Variants in PHACTR4 observed in about 807,000 individuals in gnomAD.
The protein encoded by PHACTR4 is phosphatase and actin regulator 4, also known as protein phosphatase 1, regulatory subunit 124.
PHACTR4 carries 51 observed loss-of-function variants against 72.7 expected under a neutral mutation model. The ratio of observed to expected loss-of-function variants is 0.70; its 90% confidence interval spans 0.56 to 0.89. PHACTR4 has a LOEUF of 0.89. Ranked by LOEUF, PHACTR4 falls within the 40% of genes least tolerant of loss-of-function variation. PHACTR4 has a pLI of 0.00. For synonymous variants in PHACTR4, 255 were observed against 302.5 expected (o/e 0.84, Z 1.63); for missense variants, 731 against 861.8 (o/e 0.85, Z 1.90).
At chr1:28,474,667 C>G (rs1015458065) in intron 7 of PHACTR4, among the ~76,000 whole-genome samples, 1 of 151,770 alleles carries the variant, frequency 6.6e-6, no homozygotes, top group African/African-American at 2.4e-5. Flanking sequence ...CTCAGCCTCC[C>G]GAGTAGCTGA....
intron 2 of PHACTR4, among the ~76,000 whole-genome samples, chr1:28,457,626 T>C (rs1438959118): frequency 6.6e-6 from 1 of 151,632 alleles, no homozygotes; most frequent in Non-Finnish European, 1.5e-5. Context: ...ATAATAATAA[T>C]AAATTTTTTT....
At chr1:28,390,560 C>T (rs780264452) in intron 1 of PHACTR4, among the ~76,000 whole-genome samples, 31 of 151,744 alleles carry the variant, frequency 2.0e-4, no homozygotes, top group Non-Finnish European at 3.4e-4. Flanking sequence ...GAGGTCGAGG[C>T]GGGTGGATCA....
chr1:28,466,725 C>T lies in PHACTR4; in HGVS notation c.780C>T (p.Ile260=). ...THMVPAKQPP[I]PPPKPAHRNS... ...TGGTCCCTGCCAAGCAGCCCCCTATCCCTCCCCCTAAACCAGCTCACAGAA... is the reference window on the plus strand; with the variant it reads ...TGGTCCCTGCCAAGCAGCCCCCTATTCCTCCCCCTAAACCAGCTCACAGAA... Residue 260 remains isoleucine (I), a synonymous_variant, in exon 6 of 14, where the codon ATC becomes ATT. Coordinates refer to ENST00000373839, the MANE Select transcript of PHACTR4 (RefSeq NM_001048183.3). 6.2e-7 allele frequency: 1 copy of T among 1,613,800 alleles called. No homozygotes were observed. The highest frequency in any genetic ancestry group is 1.1e-5 in the South Asian group (1 of 91,060).
At position 28,473,898 on chromosome 1, in the gene PHACTR4, C is replaced by A. The variant is rs372370695; in HGVS notation, c.1168C>A (p.Gln390Lys). ...CCAGGAGATTCCCCAGCAGGAAGAT[C>A]AGAAAAAGGAAGTCCCCAAGAGGAT... Reference protein sequence around the residue: ...LHQEIPQQEDQKKEVPKRILD... With the variant: ...LHQEIPQQEDKKKEVPKRILD... Residue 390 changes from glutamine to lysine, a missense_variant, in exon 7 of 14, where the codon CAG (glutamine) becomes AAG (lysine). Gln to Lys is a moderately conservative substitution (Grantham distance 53). Around this residue, in one of 2 missense-constraint regions of PHACTR4, gnomAD observed 621 missense variants for 676.6 expected, o/e 0.92. Transcript: ENST00000373839. The A allele has an allele frequency of 1.2e-6, 2 of 1,614,084 alleles. No homozygotes were observed.
At chr1:28,441,906 C>T (rs1297367706) in intron 2 of PHACTR4, among the ~76,000 whole-genome samples, 7 of 152,070 alleles carry the variant, frequency 4.6e-5, no homozygotes, top group South Asian at 2.1e-4. Context: ...GTGGGAGGAT[C>T]GCTTGAGCCT....
chr1:28,376,001 G>A (rs1217043215), intron 1 of PHACTR4, among the ~76,000 whole-genome samples: 6 of 152,052 alleles, frequency 3.9e-5, no homozygotes, highest in Non-Finnish European at 5.9e-5. Flanking sequence ...CTCGGGAGGC[G>A]GAGGTTGCTG....
chr1:28,431,624 C>T (rs530304831), intron 2 of PHACTR4, among the ~76,000 whole-genome samples: 11 of 152,202 alleles, frequency 7.2e-5, no homozygotes, highest in African/African-American at 2.6e-4. Flanking sequence ...CAATGACTAA[C>T]ATATAAGAAG....
intron 2 of PHACTR4, among the ~76,000 whole-genome samples, chr1:28,436,386 G>A (rs1569944281): frequency 1.3e-5 from 2 of 152,048 alleles, no homozygotes; most frequent in Middle Eastern, 3.4e-3. Context: ...ACAGGTGCAC[G>A]CCACTCCACC....
chr1:28,482,901 T>G (rs6677544), intron 9 of PHACTR4, among the ~76,000 whole-genome samples: 13,214 of 148,640 alleles, frequency 0.089, 1,263 homozygotes, highest in African/African-American at 0.25. Context: ...ATTGCACCAC[T>G]GCACTCCACC....
chr1:28,500,304 T>C lies in PHACTR4; in HGVS notation c.*3755T>C, dbSNP rs1053436235. 1 of 152,142 alleles carries C rather than the reference T, an allele frequency of 6.6e-6. No individual in the cohort carries two copies. Among genetic ancestry groups the C allele is most frequent in the African/African-American group, 2.4e-5 (1 of 41,438 alleles). The allele number at this position is 152,142 out of a possible 1,614,324, so 9.4% of individuals were successfully genotyped here. A position where few individuals can be genotyped will look rare whatever the true frequency, so the allele number is the denominator to read the frequency against. On this transcript the variant is annotated 3_prime_UTR_variant, in exon 14 of 14. Transcript: ENST00000373839. ...TCTCCTTGTAAAATAAATAATTGCA[T>C]TGTATATCAGTCTTCTCATCAATAT...
chr1:28,471,561 AC>A (rs1301646209), intron 6 of PHACTR4, among the ~76,000 whole-genome samples: 1 of 150,046 alleles, frequency 6.7e-6, no homozygotes, highest in Non-Finnish European at 1.5e-5. Context: ...AAAAATAACT[AC>A]CCTTTAATTA....
chr1:28,375,775 A>G (rs188046901), intron 1 of PHACTR4, among the ~76,000 whole-genome samples: 131 of 152,156 alleles, frequency 8.6e-4, no homozygotes, highest in Non-Finnish European at 1.6e-3. Flanking sequence ...CCTGTTGTAA[A>G]ACTTTCACAA....
At chr1:28,410,916 A>G (rs942168514) in intron 2 of PHACTR4, among the ~76,000 whole-genome samples, 11 of 151,988 alleles carry the variant, frequency 7.2e-5, no homozygotes, top group Non-Finnish European at 1.0e-4. Flanking sequence ...CATGTTGGCC[A>G]GGCTGGTCTT....
chr1:28,396,799 C>T (rs1348555503), intron 1 of PHACTR4, among the ~76,000 whole-genome samples: 4 of 150,168 alleles, frequency 2.7e-5, no homozygotes, highest in Non-Finnish European at 5.9e-5. Context: ...GCTGAGATTA[C>T]AGGCTTACAC....
intron 2 of PHACTR4, among the ~76,000 whole-genome samples, chr1:28,430,092 G>T (rs1465786541): frequency 6.6e-6 from 1 of 151,442 alleles, no homozygotes; most frequent in African/African-American, 2.4e-5. Flanking sequence ...GCGTGATCTC[G>T]GCTTACTGCA....
intron 9 of PHACTR4, among the ~76,000 whole-genome samples, chr1:28,481,034 G>GAT (rs763558246): frequency 3.0e-5 from 4 of 134,806 alleles, no homozygotes; most frequent in Admixed American, 7.4e-5. Flanking sequence ...TTTTTAGTGT[G>GAT]ATTTTTTTTT....
At chr1:28,415,330 A>G (rs2124317511) in intron 2 of PHACTR4, among the ~76,000 whole-genome samples, 1 of 152,134 alleles carries the variant, frequency 6.6e-6, no homozygotes, top group East Asian at 1.9e-4. Context: ...GTGCTGAGTG[A>G]AGGAAGGATC....
At chr1:28,496,411 A>G in intron 13 of PHACTR4, 123 bp from the exon 14 acceptor site, 2 of 1,077,984 alleles carry the variant, frequency 1.9e-6, no homozygotes, top group Non-Finnish European at 1.4e-6. Flanking sequence ...CAGAAAGGTC[A>G]GGTCGAATTA....
chr1:28,453,633 A>C, intron 2 of PHACTR4: 1 of 1,258,808 alleles, frequency 7.9e-7, no homozygotes, highest in Non-Finnish European at 1.1e-6. Flanking sequence ...CAAATAGAGA[A>C]GAGAGACTCG....
Sources: allele counts gnomAD v4.1 joint callset (sites outside exome capture counted in the v4.1 genomes callset), GRCh38; gene constraint gnomAD v4.1.1; regional missense constraint gnomAD v4.1.1; transcripts MANE v1.5; gene names NCBI Gene and HGNC (gene_info 2026-07-23, HGNC 2026-07-21).